Variants in CNGB1 observed in about 807,000 individuals in gnomAD.
The protein encoded by CNGB1 is cyclic nucleotide gated channel subunit beta 1.
A neutral mutation model predicts 151.7 loss-of-function variants in CNGB1; 126 were observed. That is an observed-to-expected ratio of 0.83 (90% CI 0.72 to 0.96). CNGB1 has a LOEUF of 0.96. Ranked by LOEUF, CNGB1 falls within the 40% of genes least tolerant of loss-of-function variation. The pLI, the probability that CNGB1 is intolerant of heterozygous loss-of-function variation, is 0.00. For synonymous variants in CNGB1, 623 were observed against 635.1 expected (o/e 0.98, Z 0.29); for missense variants, 1,698 against 1,627.0 (o/e 1.04, Z -0.75).
intron 19 of CNGB1, 69 bp from the exon 20 acceptor site, chr16:57,919,323 T>C (rs964402025): frequency 2.5e-6 from 4 of 1,611,194 alleles, no homozygotes; most frequent in Non-Finnish European, 3.4e-6. Context: ...GAGAGAAGGG[T>C]CCCAACTGCA....
At chr16:57,953,764 T>C (rs1962019642) in intron 12 of CNGB1, among the ~76,000 whole-genome samples, 1 of 152,076 alleles carries the variant, frequency 6.6e-6, no homozygotes, top group Non-Finnish European at 1.5e-5. Flanking sequence ...ACTGGATGTT[T>C]CTCAAAGTAT....
chr16:57,891,629 T>C (rs1960092665), intron 31 of CNGB1, among the ~76,000 whole-genome samples: 1 of 152,104 alleles, frequency 6.6e-6, no homozygotes, highest in African/African-American at 2.4e-5. Context: ...TGATCTTGGC[T>C]CACTGCAACC....
chr16:57,934,451 T>C (rs1961449341), intron 16 of CNGB1, among the ~76,000 whole-genome samples: 2 of 151,848 alleles, frequency 1.3e-5, no homozygotes, highest in Non-Finnish European at 2.9e-5. Context: ...TAATAAAAAA[T>C]AAAATAAAAT....
Position 57,931,752 on chromosome 16 carries a change from G to T in CNGB1, c.1499C>A (p.Thr500Asn). ...CGAGGCTGAGCTTGGGACTATAAGG[G>T]TGTCTGATTTGGCAGGAGACGGTGG... Reference protein sequence around the residue: ...LPPPSPAKSDTLIVPSSASGT... With the variant: ...LPPPSPAKSDNLIVPSSASGT... Residue 500 changes from threonine (T) to asparagine (N), a missense_variant, in exon 17 of 33, where the codon ACC (threonine) becomes AAC (asparagine). Thr to Asn is a moderately conservative substitution (Grantham distance 65). Transcript: ENST00000251102. The T allele has an allele frequency of 1.2e-6, 2 of 1,614,186 alleles. No individual in the cohort carries two copies. Among genetic ancestry groups the T allele is most frequent in the Non-Finnish European group, 1.7e-6 (2 of 1,180,038 alleles).
intron 17 of CNGB1, among the ~76,000 whole-genome samples, chr16:57,930,042 A>G (rs1961303795): frequency 1.3e-5 from 2 of 152,208 alleles, no homozygotes; most frequent in South Asian, 4.1e-4. Flanking sequence ...AAAATATTAT[A>G]AATAGGACTG....
intron 16 of CNGB1, among the ~76,000 whole-genome samples, chr16:57,934,004 T>C (rs138329562): frequency 0.026 from 3,885 of 152,164 alleles, 75 homozygotes; most frequent in Non-Finnish European, 0.036. Context: ...ATTACAGGCA[T>C]GAGCCACCGC....
chr16:57,901,155 A>G (rs1320822952), intron 29 of CNGB1, among the ~76,000 whole-genome samples, 197 bp downstream of exon 29: 1 of 152,170 alleles, frequency 6.6e-6, no homozygotes, highest in Non-Finnish European at 1.5e-5. Flanking sequence ...TTGACTGCAT[A>G]GAGTCGGCAA....
At chr16:57,955,828 T>A (rs1051125313) in intron 12 of CNGB1, among the ~76,000 whole-genome samples, 1 of 152,202 alleles carries the variant, frequency 6.6e-6, no homozygotes, top group African/African-American at 2.4e-5. Context: ...GAGAGCAGCA[T>A]GGGCATGTCT....
chr16:57,884,947 A>G (rs1228444769), intron 32 of CNGB1, among the ~76,000 whole-genome samples: 4 of 152,160 alleles, frequency 2.6e-5, no homozygotes, highest in Non-Finnish European at 5.9e-5. Context: ...CCTTTCTGGG[A>G]AGTCTCAAAG....
chr16:57,888,389 G>GTC (rs1167691554), intron 31 of CNGB1, among the ~76,000 whole-genome samples: 4 of 151,420 alleles, frequency 2.6e-5, no homozygotes, highest in South Asian at 2.1e-4. Flanking sequence ...CTTCCTTTCT[G>GTC]TCTCTCTCTC....
rs749978261 is a variant in CNGB1, at chr16:57,884,330, G to T, written c.3590C>A (p.Pro1197Gln). The T allele has an allele frequency of 1.1e-5, 17 of 1,611,220 alleles. No homozygotes were observed. The highest frequency in any genetic ancestry group is 1.4e-5 in the Non-Finnish European group (17 of 1,179,128). ...RTPPEPPGSP[P>Q]SSPPPASLGR... is the part of the protein sequence containing the mutation. ...AAGGGAGGCAGGCGGTGGAGAGCTC[G>T]GTGGAGACCCCGGGGGCTCGGGGGG... Residue 1197 changes from proline to glutamine, a missense_variant, in exon 33 of 33, where the codon CCG becomes CAG. Pro to Gln is a moderately conservative substitution (Grantham distance 76, BLOSUM62 -1). Coordinates refer to ENST00000251102, the MANE Select transcript of CNGB1 (RefSeq NM_001297.5).
intron 14 of CNGB1, among the ~76,000 whole-genome samples, chr16:57,944,348 G>T (rs1238395950): frequency 6.6e-6 from 1 of 151,262 alleles, no homozygotes; most frequent in African/African-American, 2.5e-5. Flanking sequence ...CACAGAAGGA[G>T]AGAATAGAAT....
intron 10 of CNGB1, among the ~76,000 whole-genome samples, chr16:57,958,805 C>A (rs1431577485): frequency 6.7e-6 from 1 of 149,838 alleles, no homozygotes; most frequent in African/African-American, 2.5e-5. Flanking sequence ...TCCTTCCCTT[C>A]TTTTTTCTCC....
intron 27 of CNGB1, among the ~76,000 whole-genome samples, chr16:57,901,866 T>C (rs1960402866): frequency 6.6e-6 from 1 of 152,168 alleles, no homozygotes; most frequent in Non-Finnish European, 1.5e-5. Context: ...CCAGCACTAA[T>C]ATCACCTCCT....
Position 57,940,217 on chromosome 16 carries a change from C to G in CNGB1, c.1209+17G>C, listed in dbSNP as rs372846873. The G allele has an allele frequency of 6.4e-7, 1 of 1,556,802 alleles. No homozygotes were observed. The highest frequency in any genetic ancestry group is 8.7e-7 in the Non-Finnish European group (1 of 1,149,628). ...AAGCCAGGCCTCAGAGGTGCCAGTG[C>G]CTGGTGCTTCTCATACCTGATCTGA... On this transcript the variant is annotated intron_variant, in intron 15 of 32. Transcript: ENST00000251102.
At chr16:57,889,423 C>G (rs1960026232) in intron 31 of CNGB1, among the ~76,000 whole-genome samples, 1 of 152,144 alleles carries the variant, frequency 6.6e-6, no homozygotes, top group Non-Finnish European at 1.5e-5. Context: ...TCCTACAACC[C>G]CAAGGAACTG....
intron 23 of CNGB1, 41 bp downstream of exon 23, chr16:57,915,208 G>C (rs747279681): frequency 6.6e-7 from 1 of 1,522,668 alleles, no homozygotes; most frequent in East Asian, 2.2e-5. Context: ...GCAGAGCAGG[G>C]ATGAGCTGAA....
In CNGB1 at chr16:57,911,790, C is replaced by G; in HGVS notation, c.2455G>C (p.Gly819Arg). ...YYWASAYQGL[G>R]STHWVYDGVG... ...CCATCGTAAACCCAGTGAGTGGAGC[C>G]GAGGCCCTGATAGGCCGATGCCCAG... Residue 819 changes from glycine to arginine, a missense_variant, in exon 25 of 33, where the codon GGC (glycine) becomes CGC (arginine). Physicochemically the swap from Gly to Arg is moderately radical, Grantham distance 125 (BLOSUM62 -2). Coordinates refer to ENST00000251102, the MANE Select transcript of CNGB1 (RefSeq NM_001297.5). The G allele has an allele frequency of 5.0e-6, 8 of 1,614,078 alleles. No homozygotes were observed. The highest frequency in any genetic ancestry group is 5.9e-6 in the Non-Finnish European group (7 of 1,179,964).
chr16:57,916,875 A>T (rs1025949837), intron 21 of CNGB1, among the ~76,000 whole-genome samples: 1 of 152,124 alleles, frequency 6.6e-6, no homozygotes, highest in African/African-American at 2.4e-5. Flanking sequence ...GTTTCAACCA[A>T]TCCTCATGGC....
Sources: gnomAD v4.1 joint callset for allele counts (sites outside exome capture counted in the v4.1 genomes callset) on GRCh38, gnomAD v4.1.1 for gene constraint, MANE v1.5 for transcripts, NCBI Gene and HGNC (gene_info 2026-07-23, HGNC 2026-07-21) for gene names.